Variants in CHAT observed in about 807,000 individuals in gnomAD.
CHAT encodes the protein acetyl CoA:choline O-acetyltransferase.
In CHAT, 61 loss-of-function variants were observed where a neutral mutation model predicts 76.9. The ratio of observed to expected loss-of-function variants is 0.79; its 90% confidence interval spans 0.65 to 0.98. The LOEUF (loss-of-function observed/expected upper bound fraction) is 0.98, where lower values mean the gene tolerates loss of function less well. CHAT is among the 50% of genes least tolerant of loss of function. CHAT has a pLI of 0.00. For synonymous variants in CHAT, 407 were observed against 397.4 expected (o/e 1.02, Z -0.29); for missense variants, 946 against 986.9 (o/e 0.96, Z 0.56).
At chr10:49,620,440 G>A in intron 3 of CHAT, 55 bp from the exon 4 acceptor site, 9 of 1,192,002 alleles carry the variant, frequency 7.6e-6, no homozygotes, top group Non-Finnish European at 1.1e-5. Context: ...TCTCGGGGCT[G>A]TCAGGATGGG....
At chr10:49,632,336 A>G (rs1004786194) in intron 7 of CHAT, among the ~76,000 whole-genome samples, 1 of 152,154 alleles carries the variant, frequency 6.6e-6, no homozygotes, top group Non-Finnish European at 1.5e-5. Flanking sequence ...TGGGGGAGCC[A>G]GGGAGCCCCC....
upstream of CHAT, chr10:49,611,823 G>T (rs943388046): frequency 1.9e-6 from 3 of 1,603,662 alleles, no homozygotes; most frequent in Non-Finnish European, 1.7e-6. Context: ...TGTACGGCGC[G>T]CTTGGGCTGG....
chr10:49,648,019 G>C (rs1839737544), intron 8 of CHAT: 2 of 208,882 alleles, frequency 9.6e-6, no homozygotes, highest in Admixed American at 1.1e-4. Flanking sequence ...GGACACTGGG[G>C]GCGGGAGGGG....
intron 7 of CHAT, 135 bp from the exon 8 acceptor site, chr10:49,646,370 G>A (rs1590605979): frequency 3.6e-6 from 4 of 1,121,236 alleles, no homozygotes; most frequent in East Asian, 2.4e-5. Context: ...AAGGTGGGGG[G>A]TCAGGGCTGG....
chr10:49,649,615 C>T lies in CHAT; in HGVS notation c.1490C>T (p.Ser497Phe), dbSNP rs141878259. ...CSPEIQGHLASSAEKLQRIVK... is the reference protein window; with the variant it reads ...CSPEIQGHLAFSAEKLQRIVK... Reference sequence around the variant, plus strand: ...CCGGAAATTCAAGGCCACTTAGCCTCCTCGGCAGAAAAACTTCAACGGTAA... The same window carrying T: ...CCGGAAATTCAAGGCCACTTAGCCTTCTCGGCAGAAAAACTTCAACGGTAA... Residue 497 changes from serine to phenylalanine, a missense_variant, in exon 10 of 15, where the codon TCC becomes TTC. This residue lies in a region of CHAT where 349 missense variants were observed against 393.9 expected (regional missense o/e 0.89). Transcript: ENST00000337653. 16 of 1,613,848 alleles carry T rather than the reference C, an allele frequency of 9.9e-6. No homozygotes were observed. The highest frequency in any genetic ancestry group is 1.4e-5 in the Non-Finnish European group (16 of 1,180,044).
chr10:49,625,205 A>G (rs1204171779), intron 5 of CHAT, among the ~76,000 whole-genome samples: 1 of 152,156 alleles, frequency 6.6e-6, no homozygotes, highest in Non-Finnish European at 1.5e-5. Context: ...GCATAAGCAA[A>G]GATGCAGAAG....
At position 49,619,728 on chromosome 10, in the gene CHAT, C is replaced by T. The variant is rs748225279; in HGVS notation, c.391C>T (p.Leu131=). Residue 131 remains leucine (L), a synonymous_variant, in exon 3 of 15, where the codon CTG becomes TTG. Coordinates refer to ENST00000337653, the MANE Select transcript of CHAT (RefSeq NM_020549.5). ...AKTPSSEESG[L]PKLPVPPLQQ... Reference sequence around the variant, plus strand: ...GCCTATGAACCCTTTCTTCCAGGGGCTGCCCAAACTGCCCGTGCCCCCGCT... The same window carrying T: ...GCCTATGAACCCTTTCTTCCAGGGGTTGCCCAAACTGCCCGTGCCCCCGCT... The T allele has an allele frequency of 6.2e-7, 1 of 1,610,850 alleles. No individual in the cohort carries two copies. Among genetic ancestry groups the T allele is most frequent in the Non-Finnish European group, 8.5e-7 (1 of 1,179,928 alleles).
At chr10:49,650,532 G>A (rs1477801406) in intron 10 of CHAT, among the ~76,000 whole-genome samples, 1 of 152,182 alleles carries the variant, frequency 6.6e-6, no homozygotes, top group Non-Finnish European at 1.5e-5. Flanking sequence ...CTTCAAGCTT[G>A]TACAAGTTCA....
intron 7 of CHAT, among the ~76,000 whole-genome samples, chr10:49,637,116 T>C (rs183557673): frequency 6.6e-6 from 1 of 152,242 alleles, no homozygotes; most frequent in East Asian, 1.9e-4. Flanking sequence ...TTGATTTTTT[T>C]TCCTGTTTTC....
upstream of CHAT, chr10:49,613,935 G>C (rs181847533): frequency 3.3e-6 from 2 of 604,162 alleles, no homozygotes; most frequent in African/African-American, 3.7e-5. Flanking sequence ...GTGGGGAGAG[G>C]AGGGCAGCGA....
Position 49,620,624 on chromosome 10 carries a change from G to A in CHAT, c.698+11G>A. 6.3e-7 allele frequency: 1 copy of A among 1,598,908 alleles called. No individual in the cohort carries two copies. The highest frequency in any genetic ancestry group is 8.6e-7 in the Non-Finnish European group (1 of 1,166,692). ...CGATGACCAGCTGAGGTGAGGCCTT[G>A]GTGCTCCTAGCTCATAACCTGGGGA... On this transcript the variant is annotated intron_variant, in intron 4 of 14. Transcript: ENST00000337653.
rs923190419 is a variant in CHAT at position 49,635,443 on chromosome 10, C to T, written c.1111+7658C>T. 9.2e-5 allele frequency among the ~76,000 whole-genome samples: 14 copies of T among 152,226 alleles called. No individual in the cohort carries two copies. The East Asian group carries it at 2.1e-3, about 23-fold the overall frequency. ...TGTTTTCACTTACTGGAAGAAAATG[C>T]CCAGGAATGAAATTTCTAGGTCACA... On this transcript the variant is annotated intron_variant, in intron 7 of 14. Transcript: ENST00000337653.
upstream of CHAT, chr10:49,611,190 C>A: frequency 6.2e-7 from 1 of 1,614,150 alleles, no homozygotes; most frequent in Non-Finnish European, 8.5e-7. Context: ...ACCGCATGAG[C>A]TACGACGTGC....
chr10:49,628,788 C>G (rs58554832), intron 7 of CHAT, among the ~76,000 whole-genome samples: 6,874 of 152,336 alleles, frequency 0.045, 472 homozygotes, highest in African/African-American at 0.15. Context: ...GGATGGTACC[C>G]AGGCAGGCAG....
In CHAT at chr10:49,615,889, C is replaced by T. The variant is rs560322671; in HGVS notation, c.287-613C>T. 1.0e-5 allele frequency: 7 copies of T among 690,356 alleles called. No individual in the cohort carries two copies. The East Asian group carries it at 1.6e-4, about 16-fold the overall frequency. The allele number at this position is 690,356 out of a possible 1,614,324, so 42.8% of individuals were successfully genotyped here. ...ACCCGAGACTGCCTAGGTCACAACG[C>T]CTCCAGCAGGCCCAGAGTCTCCCTG... On this transcript the variant is annotated intron_variant, in intron 1 of 14. Transcript: ENST00000337653.
upstream of CHAT, chr10:49,610,788 G>A: frequency 1.9e-6 from 3 of 1,577,026 alleles, no homozygotes; most frequent in South Asian, 1.2e-5. Flanking sequence ...CGGCCACCAA[G>A]CTGTCGGAGG....
intron 7 of CHAT, among the ~76,000 whole-genome samples, chr10:49,645,609 G>A (rs1839634460): frequency 6.6e-6 from 1 of 152,134 alleles, no homozygotes. Flanking sequence ...TGTGCCCTGT[G>A]GAGGAAGCTG....
intron 14 of CHAT, among the ~76,000 whole-genome samples, chr10:49,664,233 G>A (rs1030159664): frequency 2.0e-5 from 3 of 152,194 alleles, no homozygotes; most frequent in Non-Finnish European, 4.4e-5. Flanking sequence ...AGGTGCATAA[G>A]TAAAACTGAT....
chr10:49,665,069 C>T lies in CHAT; in HGVS notation c.*23C>T. 1 of 1,612,796 alleles carries T rather than the reference C, an allele frequency of 6.2e-7. No homozygotes were observed. Reference sequence around the variant, plus strand: ...TGACTCCTGCCACTAGGTTTCACCTCCCAAACCCAGCCTCTAGAACAGCCA... The same window carrying T: ...TGACTCCTGCCACTAGGTTTCACCTTCCAAACCCAGCCTCTAGAACAGCCA... On this transcript the variant is annotated 3_prime_UTR_variant, in exon 15 of 15. Transcript: ENST00000337653.
Sources: allele counts gnomAD v4.1 joint callset (sites outside exome capture counted in the v4.1 genomes callset), GRCh38; gene constraint gnomAD v4.1.1; regional missense constraint gnomAD v4.1.1; transcripts MANE v1.5; gene names NCBI Gene and HGNC (gene_info 2026-07-23, HGNC 2026-07-21).